DPP6: variants seen among roughly 807,000 people sequenced by gnomAD.
DPP6 encodes dipeptidyl peptidase like 6.
A neutral mutation model predicts 122.6 loss-of-function variants in DPP6; 69 were observed. The observed-to-expected ratio is 0.56, with a 90% CI of 0.46 to 0.69. DPP6 has a LOEUF of 0.69. Ranked by LOEUF, DPP6 falls within the 30% of genes least tolerant of loss-of-function variation. The probability of loss-of-function intolerance (pLI) is 0.00; values close to 1 mark genes in which losing one functional copy is unlikely to be tolerated. For missense variants in DPP6, 928 were observed against 1,116.9 expected, an observed-to-expected ratio of 0.83 and a Z score of 2.41; for synonymous variants, 418 against 433.1, an observed-to-expected ratio of 0.97 and a Z score of 0.43.
At chr7:154,071,584 A>C (rs1480078528) in intron 1 of DPP6, among the ~76,000 whole-genome samples, 1 of 151,956 alleles carries the variant, frequency 6.6e-6, no homozygotes, top group Non-Finnish European at 1.5e-5. Context: ...ATTAGGCGAT[A>C]AGCCAGTTGT....
chr7:154,235,077 C>T (rs1319563548), intron 1 of DPP6, among the ~76,000 whole-genome samples: 1 of 152,180 alleles, frequency 6.6e-6, no homozygotes, highest in African/African-American at 2.4e-5. Flanking sequence ...TACAATTAAA[C>T]GTTGTTTAGC....
At chr7:154,438,609 AGGAGCTCATTCT>A (rs1819105005) in intron 1 of DPP6, among the ~76,000 whole-genome samples, 1 of 152,078 alleles carries the variant, frequency 6.6e-6, no homozygotes, top group Admixed American at 6.6e-5. Context: ...GAAAGCCAAG[AGGAGCTCATTCT>A]GTCTCTTTGA....
intron 6 of DPP6, among the ~76,000 whole-genome samples, chr7:154,645,535 C>T (rs1836408491): frequency 6.6e-6 from 1 of 152,060 alleles, no homozygotes. Context: ...AAAATGTGGA[C>T]TTTAGAGTCA....
the DPP6 span, among the ~76,000 whole-genome samples, chr7:153,796,637 G>T: frequency 6.6e-6 from 1 of 152,110 alleles, no homozygotes; most frequent in South Asian, 2.1e-4. Flanking sequence ...AATATAACAC[G>T]TGGCACAAAG....
chr7:154,241,066 C>A lies in DPP6; in HGVS notation c.243+188003C>A, dbSNP rs542037649. The stretch of plus-strand genomic sequence containing the variant: ...GATTTGTTGGAATATTGTGAAGTTC[C>A]GTTGATAAATAAATTGATGAAAACC... On this transcript the variant is annotated intron_variant, in intron 1 of 25. Transcript: ENST00000377770. The surrounding 1 kb of genome is among the most constrained non-coding windows in gnomAD (Gnocchi z 9.0). Among the ~76,000 whole-genome samples the A allele has an allele frequency of 2.0e-5, 3 of 151,936 alleles. No homozygotes were observed. The highest frequency in any genetic ancestry group is 2.9e-5 in the Non-Finnish European group (2 of 68,014).
chr7:153,939,946 C>T (rs147844483), intron 1 of DPP6, among the ~76,000 whole-genome samples: 16 of 152,232 alleles, frequency 1.1e-4, no homozygotes, highest in African/African-American at 7.2e-5. Flanking sequence ...GAAACATGCC[C>T]GATCGTAAGG....
At chr7:154,319,681 GT>G (rs1397455075) in intron 1 of DPP6, among the ~76,000 whole-genome samples, 1 of 151,410 alleles carries the variant, frequency 6.6e-6, no homozygotes, top group East Asian at 1.9e-4. Context: ...GGCAATAGGA[GT>G]GAGACTTTGT....
chr7:154,411,804 C>T (rs1390566698), intron 1 of DPP6, among the ~76,000 whole-genome samples: 1 of 152,130 alleles, frequency 6.6e-6, no homozygotes, highest in Non-Finnish European at 1.5e-5. Flanking sequence ...GTAATTTTAA[C>T]TCTATGATTT....
intron 1 of DPP6, among the ~76,000 whole-genome samples, chr7:154,054,195 C>G (rs1472322929): frequency 6.6e-6 from 1 of 152,174 alleles, no homozygotes; most frequent in Non-Finnish European, 1.5e-5. Flanking sequence ...CCCTGACATA[C>G]CCAGGGCAGT....
At chr7:154,510,694 C>CAAAAAAAA (rs67365097) in intron 3 of DPP6, among the ~76,000 whole-genome samples, 1 of 134,072 alleles carries the variant, frequency 7.5e-6, no homozygotes. Flanking sequence ...CCAGGTGTCT[C>CAAAAAAAA]AAAAAAAAAA....
intron 4 of DPP6, among the ~76,000 whole-genome samples, chr7:154,545,784 C>T (rs1829137107): frequency 6.6e-6 from 1 of 152,216 alleles, no homozygotes; most frequent in Admixed American, 6.5e-5. Context: ...GAACAGTTCT[C>T]TGGCTTAACC....
chr7:154,509,485 G>A (rs1440781271), intron 3 of DPP6, among the ~76,000 whole-genome samples: 1 of 152,162 alleles, frequency 6.6e-6, no homozygotes, highest in Non-Finnish European at 1.5e-5. Context: ...ACAAGTGTTG[G>A]TGAGAATTTG....
the DPP6 span, among the ~76,000 whole-genome samples, chr7:153,818,433 T>C: frequency 1.3e-5 from 2 of 152,024 alleles, no homozygotes; most frequent in Non-Finnish European, 1.5e-5. Context: ...AACATTTAGG[T>C]ACCATTTATA....
chr7:153,791,570 C>T, the DPP6 span, among the ~76,000 whole-genome samples: 2 of 151,886 alleles, frequency 1.3e-5, no homozygotes, highest in Non-Finnish European at 2.9e-5. Context: ...TACAGGTGCC[C>T]ACCACCACAT....
At chr7:153,858,345 G>C in the DPP6 span, among the ~76,000 whole-genome samples, 12 of 152,192 alleles carry the variant, frequency 7.9e-5, no homozygotes, top group African/African-American at 2.4e-5. Context: ...TGCTGGGGCA[G>C]GGTGAAGGGA....
chr7:153,959,780 C>A (rs1174220010), intron 1 of DPP6, among the ~76,000 whole-genome samples: 1 of 152,232 alleles, frequency 6.6e-6, no homozygotes, highest in Non-Finnish European at 1.5e-5. Flanking sequence ...TCTTATCATT[C>A]ATGTGTTCAC....
the DPP6 span, among the ~76,000 whole-genome samples, chr7:153,761,188 T>C: frequency 1.2e-4 from 19 of 152,236 alleles, no homozygotes; most frequent in Admixed American, 1.2e-3. Context: ...TGTACAAGAT[T>C]TATTTGTTTC....
chr7:154,719,699 C>G (rs1192207187), intron 7 of DPP6, among the ~76,000 whole-genome samples: 1 of 152,230 alleles, frequency 6.6e-6, no homozygotes, highest in Non-Finnish European at 1.5e-5. Context: ...AGGCACCCGG[C>G]ATGCAGTTCC....
intron 1 of DPP6, among the ~76,000 whole-genome samples, chr7:154,202,485 C>T (rs1306887182): frequency 6.6e-6 from 1 of 152,144 alleles, no homozygotes; most frequent in Non-Finnish European, 1.5e-5. Flanking sequence ...GCTTCCCTCC[C>T]CCAATTTCCT....
Sources: gnomAD v4.1 joint callset for allele counts (sites outside exome capture counted in the v4.1 genomes callset) on GRCh38, gnomAD v4.1.1 for gene constraint, Gnocchi (gnomAD v3.1) non-coding constraint, MANE v1.5 for transcripts, NCBI Gene and HGNC (gene_info 2026-07-23, HGNC 2026-07-21) for gene names.